RALYL: variants seen among roughly 807,000 people sequenced by gnomAD.
RALYL encodes the protein RALY RNA binding protein like.
A neutral mutation model predicts 35.1 loss-of-function variants in RALYL; 29 were observed. That is an observed-to-expected ratio of 0.83 (90% CI 0.61 to 1.13). The LOEUF is 1.13. Ranked by LOEUF, RALYL falls within the 50% of genes most tolerant of loss-of-function variation. The probability of loss-of-function intolerance (pLI) is 0.00; values close to 1 mark genes in which losing one functional copy is unlikely to be tolerated. For missense variants in RALYL, 359 were observed against 360.4 expected (o/e 1.00, Z 0.03); for synonymous variants, 120 against 127.6 (o/e 0.94, Z 0.40).
At chr8:84,263,756 C>T (rs886629057) in intron 1 of RALYL, among the ~76,000 whole-genome samples, 1 of 152,054 alleles carries the variant, frequency 6.6e-6, no homozygotes, top group African/African-American at 2.4e-5. Context: ...ATACTCTATC[C>T]TTCCCCGACC....
intron 1 of RALYL, among the ~76,000 whole-genome samples, chr8:84,491,309 G>C (rs2055274209): frequency 6.6e-6 from 1 of 151,752 alleles, no homozygotes; most frequent in Non-Finnish European, 1.5e-5. Context: ...TCAAAATATG[G>C]CTTATTTTAT....
intron 8 of RALYL, among the ~76,000 whole-genome samples, chr8:84,894,120 T>C (rs976661885): frequency 6.6e-6 from 1 of 152,204 alleles, no homozygotes; most frequent in Non-Finnish European, 1.5e-5. Flanking sequence ...AAAACTGGAA[T>C]GCATAAAGCA....
At chr8:84,880,858 A>G (rs139827969) in intron 7 of RALYL, among the ~76,000 whole-genome samples, 16 of 152,074 alleles carry the variant, frequency 1.1e-4, no homozygotes, top group African/African-American at 3.1e-4. Context: ...GATTTACATT[A>G]TCTAAGGTCC....
intron 2 of RALYL, among the ~76,000 whole-genome samples, chr8:84,548,726 A>G (rs542355674): frequency 3.1e-4 from 47 of 152,280 alleles, no homozygotes; most frequent in African/African-American, 1.1e-3. Context: ...ATGTCCTTTT[A>G]GAACTTGAGT....
chr8:84,600,166 G>A (rs180943298), intron 2 of RALYL, among the ~76,000 whole-genome samples: 8 of 152,030 alleles, frequency 5.3e-5, no homozygotes, highest in African/African-American at 1.9e-4. Context: ...TTTAATATTG[G>A]TTTTACTATT....
intron 6 of RALYL, among the ~76,000 whole-genome samples, chr8:84,865,432 T>C (rs1839000378): frequency 6.6e-6 from 1 of 152,188 alleles, no homozygotes; most frequent in African/African-American, 2.4e-5. Flanking sequence ...TGAATTCTGC[T>C]AAGGAGAAAA....
intron 1 of RALYL, among the ~76,000 whole-genome samples, chr8:84,223,793 A>C (rs1168097696): frequency 6.6e-6 from 1 of 152,218 alleles, no homozygotes; most frequent in African/African-American, 2.4e-5. Context: ...ATCAGTAAAT[A>C]TTTCTGAATG....
chr8:84,517,965 A>T (rs1162954217), intron 1 of RALYL, among the ~76,000 whole-genome samples: 2 of 152,194 alleles, frequency 1.3e-5, no homozygotes, highest in East Asian at 1.9e-4. Context: ...AGCTAAAAAG[A>T]AGTAGTTCTG....
chr8:84,250,796 A>G (rs1830038572), intron 1 of RALYL, among the ~76,000 whole-genome samples: 1 of 152,126 alleles, frequency 6.6e-6, no homozygotes, highest in East Asian at 1.9e-4. Context: ...TTATCTGCAA[A>G]TTAATGGAAA....
intron 2 of RALYL, among the ~76,000 whole-genome samples, chr8:84,696,450 G>C (rs1241103816): frequency 6.6e-6 from 1 of 151,754 alleles, no homozygotes; most frequent in Non-Finnish European, 1.5e-5. Flanking sequence ...TTCTTTAAAT[G>C]GTCTTAGAAG....
chr8:84,724,046 A>C (rs1844491548), intron 2 of RALYL, among the ~76,000 whole-genome samples: 1 of 151,840 alleles, frequency 6.6e-6, no homozygotes, highest in Non-Finnish European at 1.5e-5. Flanking sequence ...TGAATGAATA[A>C]ATGAATGAAT....
intron 1 of RALYL, among the ~76,000 whole-genome samples, chr8:84,406,517 C>A (rs1331851779): frequency 6.6e-6 from 1 of 151,686 alleles, no homozygotes; most frequent in Non-Finnish European, 1.5e-5. Flanking sequence ...TAAATATATT[C>A]AAATATATTG....
intron 1 of RALYL, among the ~76,000 whole-genome samples, chr8:84,259,552 G>C (rs1174458554): frequency 6.6e-6 from 1 of 152,110 alleles, no homozygotes; most frequent in African/African-American, 2.4e-5. Flanking sequence ...TCTTCCTCAT[G>C]GCAGTTTAGT....
chr8:84,469,827 G>A, intron 1 of RALYL, among the ~76,000 whole-genome samples: 1 of 152,194 alleles, frequency 6.6e-6, no homozygotes, highest in Non-Finnish European at 1.5e-5. Context: ...CCAGGTGCGG[G>A]ATATAATCTC....
At chr8:84,237,782 T>C (rs923644409) in intron 1 of RALYL, among the ~76,000 whole-genome samples, 4 of 152,104 alleles carry the variant, frequency 2.6e-5, no homozygotes, top group Admixed American at 6.5e-5. Flanking sequence ...GAAATATTAT[T>C]AAGCATTTGC....
At chr8:84,683,849 G>A (rs912691733) in intron 2 of RALYL, among the ~76,000 whole-genome samples, 1 of 152,060 alleles carries the variant, frequency 6.6e-6, no homozygotes, top group Non-Finnish European at 1.5e-5. Flanking sequence ...ACCATGCCCA[G>A]CTTATTCTGT....
intron 1 of RALYL, among the ~76,000 whole-genome samples, chr8:84,471,082 A>G (rs2052680303): frequency 6.6e-6 from 1 of 152,174 alleles, no homozygotes; most frequent in South Asian, 2.1e-4. Context: ...GTGAAACTGG[A>G]ATCAATATAA....
intron 1 of RALYL, among the ~76,000 whole-genome samples, chr8:84,275,860 T>C (rs1262278048): frequency 1.3e-5 from 2 of 152,176 alleles, no homozygotes; most frequent in African/African-American, 4.8e-5. Flanking sequence ...AATGTCATGC[T>C]TGAAATGAGT....
At chr8:84,390,897 A>C (rs1418888439) in intron 1 of RALYL, among the ~76,000 whole-genome samples, 1 of 151,876 alleles carries the variant, frequency 6.6e-6, no homozygotes, top group East Asian at 1.9e-4. Context: ...TGCATTCTGA[A>C]TTCTCCAGGA....
Sources: gnomAD v4.1 joint callset for allele counts (sites outside exome capture counted in the v4.1 genomes callset) on GRCh38, gnomAD v4.1.1 for gene constraint, MANE v1.5 for transcripts, NCBI Gene and HGNC (gene_info 2026-07-23, HGNC 2026-07-21) for gene names.